SEPTIN8: variants seen among roughly 807,000 people sequenced by gnomAD.
SEPTIN8 encodes the protein septin-8.
SEPTIN8 carries 22 observed loss-of-function variants against 53.1 expected under a neutral mutation model. The ratio of observed to expected loss-of-function variants is 0.41; its 90% CI spans 0.30 to 0.59. SEPTIN8 has a LOEUF of 0.59. Among genes scored for constraint, SEPTIN8 ranks in the 20% least tolerant of loss-of-function variants. The pLI is 0.24. For missense variants in SEPTIN8, 536 were observed against 638.7 expected (o/e 0.84, Z 1.73); for synonymous variants, 228 against 248.4 (o/e 0.92, Z 0.77).
upstream of SEPTIN8, chr5:132,777,468 C>T: frequency 5.1e-6 from 5 of 983,128 alleles, no homozygotes; most frequent in Non-Finnish European, 4.8e-6. The surrounding 1 kb of genome is among the most constrained non-coding windows in gnomAD (Gnocchi z 4.1). Context: ...ACCGGGACGG[C>T]AGTGTCGGGG....
chr5:132,764,474 T>C, intron 2 of SEPTIN8, 55 bp from the exon 3 acceptor site: 1 of 1,459,112 alleles, frequency 6.9e-7, no homozygotes, highest in Non-Finnish European at 9.3e-7. Context: ...GGAAATGGGC[T>C]GTCCTTGACT....
rs564964798 is a variant in SEPTIN8, at chr5:132,760,652, G to C, written c.1286+150C>G. The C allele has an allele frequency of 5.5e-6, 4 of 732,636 alleles. No homozygotes were observed. Among genetic ancestry groups the C allele is most frequent in the East Asian group, 2.5e-5 (1 of 39,232 alleles). The allele number at this position is 732,636 out of a possible 1,614,324, so 45.4% of individuals were successfully genotyped here. A position where few individuals can be genotyped will look rare whatever the true frequency, so the allele number is the denominator to read the frequency against. Reference sequence around the variant, plus strand: ...AAGAAAAAGGCAACCAAGAAAGCTGGGGGGAGAGCCACTGAAGATGAGGGA... The same window carrying C: ...AAGAAAAAGGCAACCAAGAAAGCTGCGGGGAGAGCCACTGAAGATGAGGGA... On this transcript the variant is annotated intron_variant, in intron 9 of 9. Coordinates refer to ENST00000378719, the MANE Select transcript of SEPTIN8 (RefSeq NM_001098811.2). The surrounding 1 kb of genome is among the most constrained non-coding windows in gnomAD (Gnocchi z 5.2).
chr5:132,756,178 C>T (rs111526398), intron 9 of SEPTIN8: 209 of 985,322 alleles, frequency 2.1e-4, no homozygotes, highest in Admixed American at 1.8e-4. Flanking sequence ...CCATGAGCCC[C>T]ACTTAACAGG....
At position 132,771,999 on chromosome 5, in the gene SEPTIN8, C is replaced by T. The variant is rs140042374; in HGVS notation, c.30+5109G>A. On this transcript the variant is annotated intron_variant, in intron 1 of 9. Coordinates refer to ENST00000378719, the MANE Select transcript of SEPTIN8 (RefSeq NM_001098811.2). ...AAGCATCTTTCTCCTACAGTGGCAA[C>T]AGAAAACTTGAGAGAAGATTCAAGC... Among the ~76,000 whole-genome samples the T allele has an allele frequency of 2.2e-3, 330 of 152,262 alleles. 2 individuals carry two copies. Among genetic ancestry groups the T allele is most frequent in the Non-Finnish European group, 3.7e-3 (249 of 68,008 alleles).
Position 132,751,995 on chromosome 5 carries a change from C to G in SEPTIN8, c.*21G>C. On this transcript the variant is annotated 3_prime_UTR_variant, in exon 10 of 10. Coordinates refer to ENST00000378719, the MANE Select transcript of SEPTIN8 (RefSeq NM_001098811.2). ...ATGCCCTGGTGGTCCTGAGCTGGCC[C>G]CATGTGTTGGAGCTGCTGCCTCAGA... 1 of 1,612,066 alleles carries G rather than the reference C, an allele frequency of 6.2e-7. No individual in the cohort carries two copies. Among genetic ancestry groups the G allele is most frequent in the African/African-American group, 1.3e-5 (1 of 75,018 alleles).
At chr5:132,770,109 G>A (rs192972933) in intron 1 of SEPTIN8, among the ~76,000 whole-genome samples, 2,970 of 80,622 alleles carry the variant, frequency 0.037, 79 homozygotes, top group Non-Finnish European at 0.043. Context: ...ATGTATATAT[G>A]TATATATATA....
Position 132,770,022 on chromosome 5 carries a change from TACAC to T in SEPTIN8, c.31-4497_31-4494del, listed in dbSNP as rs1300625919. Reference sequence around the variant, plus strand: ...ATATATATATATATATATATATATATACACACACATATATATATATGTGTGTGTG... The same window carrying T: ...ATATATATATATATATATATATATATACACATATATATATATGTGTGTGTG... On this transcript the variant is annotated intron_variant, in intron 1 of 9. Transcript: ENST00000378719. Among the ~76,000 whole-genome samples the T allele has an allele frequency of 8.4e-3, 295 of 34,978 alleles. 8 individuals carry two copies. Among genetic ancestry groups the T allele is most frequent in the Non-Finnish European group, 0.014 (237 of 16,494 alleles). 22.9% of individuals were successfully genotyped at this position (34,978 alleles called of 152,430 possible).
At position 132,762,618 on chromosome 5, in the gene SEPTIN8, C is replaced by T; in HGVS notation, c.562G>A (p.Ala188Thr). ...AGCTCGCTCTTGGAGATGGTGTCAGCCTTGGCGATGATGGGAATAATGTTC... is the reference window on the plus strand; with the variant it reads ...AGCTCGCTCTTGGAGATGGTGTCAGTCTTGGCGATGATGGGAATAATGTTC... ...KVNIIPIIAK[A>T]DTISKSELHK... Residue 188 changes from alanine to threonine, a missense_variant, in exon 5 of 10, where the codon GCT becomes ACT. Ala to Thr is a moderately conservative substitution (Grantham distance 58). This residue lies in a region of SEPTIN8 where 395 missense variants were observed against 451.8 expected (regional missense o/e 0.87). Transcript: ENST00000378719. 4 of 1,614,202 alleles carry T rather than the reference C, an allele frequency of 2.5e-6. No homozygotes were observed. The highest frequency in any genetic ancestry group is 3.4e-6 in the Non-Finnish European group (4 of 1,180,048).
At chr5:132,752,847 C>A in intron 9 of SEPTIN8, 1 of 1,594,306 alleles carries the variant, frequency 6.3e-7, no homozygotes, top group Non-Finnish European at 8.6e-7. Context: ...TTGAAGATGG[C>A]CACTCTATTC....
rs1754797703 is a variant in SEPTIN8 at position 132,750,995 on chromosome 5, A to G, written c.*1021T>C. 6.2e-7 allele frequency: 1 copy of G among 1,613,464 alleles called. No individual in the cohort carries two copies. The highest frequency in any genetic ancestry group is 1.3e-5 in the African/African-American group (1 of 75,012). On this transcript the variant is annotated 3_prime_UTR_variant, in exon 10 of 10. Coordinates refer to ENST00000378719, the MANE Select transcript of SEPTIN8 (RefSeq NM_001098811.2). ...TGGGACGCCGCTGGACTTCTTGACTATAGTGAGTAAGGAGGTGTTTACAGA... is the reference window on the plus strand; with the variant it reads ...TGGGACGCCGCTGGACTTCTTGACTGTAGTGAGTAAGGAGGTGTTTACAGA...
chr5:132,760,772 G>A lies in SEPTIN8; in HGVS notation c.1286+30C>T. 6.3e-7 allele frequency: 1 copy of A among 1,599,602 alleles called. No individual in the cohort carries two copies. The highest frequency in any genetic ancestry group is 8.5e-7 in the Non-Finnish European group (1 of 1,173,258). On this transcript the variant is annotated intron_variant, in intron 9 of 9. Transcript: ENST00000378719. The surrounding 1 kb of genome is among the most constrained non-coding windows in gnomAD (Gnocchi z 5.2). Reference sequence around the variant, plus strand: ...AAGCAAGAGCCCACAGGAGCAAGAGGAGCCAGCGCAGGCGCAGCCTGCCAC... The same window carrying A: ...AAGCAAGAGCCCACAGGAGCAAGAGAAGCCAGCGCAGGCGCAGCCTGCCAC...
At chr5:132,777,341 C>T (rs533222055), upstream of SEPTIN8, 92 of 1,055,304 alleles carry the variant, frequency 8.7e-5, 1 homozygote, top group Admixed American at 1.5e-3. This position sits in a 1 kb window ranked among gnomAD's most constrained non-coding sequence, Gnocchi z 4.1. Context: ...CCTCCCCGCC[C>T]GGCCCGGCCA....
chr5:132,758,410 C>T (rs1300708973), intron 9 of SEPTIN8: 18 of 1,540,636 alleles, frequency 1.2e-5, no homozygotes, highest in African/African-American at 4.1e-5. Flanking sequence ...TACCAGACCA[C>T]GCAGCTGCAC....
upstream of SEPTIN8, chr5:132,777,739 C>A: frequency 2.0e-6 from 2 of 985,488 alleles, no homozygotes; most frequent in Non-Finnish European, 2.4e-6. The surrounding 1 kb of genome is among the most constrained non-coding windows in gnomAD (Gnocchi z 4.1). Flanking sequence ...GCCTAGTCTG[C>A]GGGTGTCTTG....
intron 4 of SEPTIN8, 80 bp from the exon 5 acceptor site, chr5:132,762,725 T>C: frequency 6.8e-7 from 1 of 1,469,770 alleles, no homozygotes; most frequent in Non-Finnish European, 9.5e-7. Context: ...AGGATATGGA[T>C]AGACATGCCC....
chr5:132,761,474 C>T lies in SEPTIN8; in HGVS notation c.946G>A (p.Asp316Asn). The T allele has an allele frequency of 6.2e-7, 1 of 1,611,988 alleles. No individual in the cohort carries two copies. The highest frequency in any genetic ancestry group is 8.5e-7 in the Non-Finnish European group (1 of 1,179,610). The change falls in exon 7 of 10, where the codon GAC becomes AAC. Residue 316 changes from aspartate (D) to asparagine (N), a missense_variant. Asp to Asn is a conservative substitution (Grantham distance 23, BLOSUM62 1). Coordinates refer to ENST00000378719, the MANE Select transcript of SEPTIN8 (RefSeq NM_001098811.2). The surrounding 1 kb of genome is among the most constrained non-coding windows in gnomAD (Gnocchi z 5.8). Reference protein sequence around the residue: ...EEMGFQDSDGDSQPFSLQETY... With the variant: ...EEMGFQDSDGNSQPFSLQETY... ...GGCTGTCACCTGAAGGGCTGGCTGT[C>T]ACCATCGCTGTCCTGAAAGCCCATC...
chr5:132,755,834 C>G (rs1353748354), intron 9 of SEPTIN8, among the ~76,000 whole-genome samples: 1 of 152,156 alleles, frequency 6.6e-6, no homozygotes, highest in African/African-American at 2.4e-5. Flanking sequence ...GAGCCTTTCA[C>G]AGATGTCTGT....
chr5:132,753,153 G>A (rs750540784), intron 9 of SEPTIN8: 15 of 607,786 alleles, frequency 2.5e-5, no homozygotes, highest in South Asian at 7.9e-5. Flanking sequence ...GGAAAGGCAG[G>A]CTGAGGTCAG....
intron 9 of SEPTIN8, chr5:132,756,713 C>T: frequency 1.0e-6 from 1 of 985,492 alleles, no homozygotes; most frequent in Non-Finnish European, 1.2e-6. Context: ...ACAAGTCTGT[C>T]AAGTGTCCTG....
Sources: gnomAD v4.1 joint callset for allele counts (sites outside exome capture counted in the v4.1 genomes callset) on GRCh38, gnomAD v4.1.1 for gene constraint, gnomAD v4.1.1 regional missense constraint, Gnocchi (gnomAD v3.1) non-coding constraint, MANE v1.5 for transcripts, NCBI Gene and HGNC (gene_info 2026-07-23, HGNC 2026-07-21) for gene names.